The following FARS2 variants were observed in gnomAD, a reference collection of about 807,000 sequenced individuals.
The protein encoded by FARS2 is phenylalanine--tRNA ligase, mitochondrial.
A neutral mutation model predicts 46.4 loss-of-function variants in FARS2; 40 were observed. That is an observed-to-expected ratio of 0.86 (90% CI 0.67 to 1.12). FARS2 has a LOEUF of 1.12. Ranked by LOEUF, FARS2 falls within the 50% of genes most tolerant of loss-of-function variation. The pLI, the probability that FARS2 is intolerant of heterozygous loss-of-function variation, is 0.00. For synonymous variants in FARS2, 234 were observed against 214.9 expected, an observed-to-expected ratio of 1.09 and a Z score of -0.78; for missense variants, 513 against 567.9, an observed-to-expected ratio of 0.90 and a Z score of 0.98.
At chr6:5,314,166 G>A (rs571593123) in intron 1 of FARS2, among the ~76,000 whole-genome samples, 1 of 152,186 alleles carries the variant, frequency 6.6e-6, no homozygotes, top group Non-Finnish European at 1.5e-5. Flanking sequence ...AAAATGGATC[G>A]AGGAGTCTAA....
intron 1 of FARS2, among the ~76,000 whole-genome samples, chr6:5,358,439 TAAATG>T (rs1193164196): frequency 2.6e-5 from 4 of 152,122 alleles, no homozygotes; most frequent in African/African-American, 9.7e-5. Context: ...AAAACAAAAA[TAAATG>T]ATTTTGTTGA....
intron 6 of FARS2, among the ~76,000 whole-genome samples, chr6:5,687,928 T>G (rs1259491408): frequency 6.6e-6 from 1 of 152,200 alleles, no homozygotes; most frequent in African/African-American, 2.4e-5. Flanking sequence ...CCCTTGTAAG[T>G]TGGATTCCTA....
At chr6:5,691,966 TG>T (rs1229175422) in intron 6 of FARS2, among the ~76,000 whole-genome samples, 1 of 152,224 alleles carries the variant, frequency 6.6e-6, no homozygotes, top group Non-Finnish European at 1.5e-5. Flanking sequence ...CGAGGCTCCG[TG>T]GGCGTAGGAC....
At chr6:5,338,548 T>C (rs79185972) in intron 1 of FARS2, among the ~76,000 whole-genome samples, 8 of 152,162 alleles carry the variant, frequency 5.3e-5, no homozygotes, top group Non-Finnish European at 1.2e-4. Flanking sequence ...CTCTTTCCTC[T>C]GCTCTAAAAT....
At chr6:5,643,106 ATTAC>A (rs1776906708) in intron 6 of FARS2, among the ~76,000 whole-genome samples, 1 of 152,244 alleles carries the variant, frequency 6.6e-6, no homozygotes, top group Admixed American at 6.5e-5. Context: ...TTTACTTACG[ATTAC>A]TTAAAGAAAT....
chr6:5,384,442 C>T (rs760692589), intron 2 of FARS2, among the ~76,000 whole-genome samples: 8 of 152,220 alleles, frequency 5.3e-5, no homozygotes, highest in South Asian at 2.1e-4. Flanking sequence ...AGGGCAGCCT[C>T]GCCTTCTGCC....
chr6:5,462,651 A>AT (rs1765306153), intron 4 of FARS2, among the ~76,000 whole-genome samples: 1 of 152,186 alleles, frequency 6.6e-6, no homozygotes, highest in African/African-American at 2.4e-5. Flanking sequence ...GTCCTTCCCC[A>AT]TTGAATTGCC....
intron 4 of FARS2, 131 bp from the exon 5 acceptor site, chr6:5,545,049 G>GTAGC: frequency 1.3e-6 from 1 of 766,976 alleles, no homozygotes; most frequent in East Asian, 2.5e-5. Context: ...GGATGTCTTT[G>GTAGC]TAGCGGCTGC....
chr6:5,301,231 T>A (rs1768275615), intron 1 of FARS2, among the ~76,000 whole-genome samples: 1 of 152,170 alleles, frequency 6.6e-6, no homozygotes, highest in South Asian at 2.1e-4. Flanking sequence ...GTTATAGAAA[T>A]GAGGCACTTA....
intron 6 of FARS2, among the ~76,000 whole-genome samples, chr6:5,707,163 T>C (rs7754974): frequency 0.98 from 148,829 of 152,250 alleles, 72,797 homozygotes; most frequent in Middle Eastern, 1. Flanking sequence ...TGAATGTGTC[T>C]GTGCAGTTTC....
At chr6:5,444,493 AGAGAG>A (rs869177920) in intron 4 of FARS2, among the ~76,000 whole-genome samples, 2 of 24,700 alleles carry the variant, frequency 8.1e-5, no homozygotes, top group African/African-American at 1.2e-4. Flanking sequence ...AAAAAAAAAA[AGAGAG>A]AGAGAGAGAG....
intron 3 of FARS2, among the ~76,000 whole-genome samples, chr6:5,414,876 C>T (rs758760588): frequency 5.9e-5 from 8 of 135,858 alleles, no homozygotes; most frequent in Admixed American, 1.7e-4. Flanking sequence ...AGTGCAGCAT[C>T]GCGATCTCGG....
intron 2 of FARS2, among the ~76,000 whole-genome samples, chr6:5,396,150 C>G (rs1760886567): frequency 6.6e-6 from 1 of 152,054 alleles, no homozygotes; most frequent in African/African-American, 2.4e-5. Flanking sequence ...AACTGCTTCC[C>G]AAGAGCTCCA....
intron 4 of FARS2, among the ~76,000 whole-genome samples, chr6:5,533,998 C>G (rs559222294): frequency 6.6e-6 from 1 of 152,314 alleles, no homozygotes; most frequent in South Asian, 2.1e-4. Context: ...TTAACTATTT[C>G]TAAACTGAGC....
At chr6:5,745,273 T>C (rs1388898767) in intron 6 of FARS2, among the ~76,000 whole-genome samples, 1 of 152,270 alleles carries the variant, frequency 6.6e-6, no homozygotes, top group East Asian at 1.9e-4. Context: ...AGGAGGGACA[T>C]CTGTCATGCC....
chr6:5,497,809 T>G (rs977450447), intron 4 of FARS2, among the ~76,000 whole-genome samples: 6 of 152,240 alleles, frequency 3.9e-5, no homozygotes, highest in African/African-American at 1.4e-4. Flanking sequence ...ATCCTTTCAT[T>G]TATTCTCCTC....
intron 1 of FARS2, among the ~76,000 whole-genome samples, chr6:5,341,202 T>TAGATATATATATATATAG (rs1315022164): frequency 1.8e-4 from 1 of 5,510 alleles, no homozygotes; most frequent in African/African-American, 4.7e-4. Flanking sequence ...TATATATATA[T>TAGATATATATATATATAG]ATATATATAT....
intron 6 of FARS2, among the ~76,000 whole-genome samples, chr6:5,732,509 A>G (rs1481048135): frequency 6.6e-6 from 1 of 152,174 alleles, no homozygotes; most frequent in African/African-American, 2.4e-5. Context: ...GACCACACAG[A>G]TTGTGTTCAG....
chr6:5,447,924 T>A (rs1764271154), intron 4 of FARS2, among the ~76,000 whole-genome samples: 1 of 152,206 alleles, frequency 6.6e-6, no homozygotes, highest in Non-Finnish European at 1.5e-5. Context: ...AGGGAGGTTA[T>A]CCCAGAAGAA....
Sources: gnomAD v4.1 joint callset for allele counts (sites outside exome capture counted in the v4.1 genomes callset) on GRCh38, gnomAD v4.1.1 for gene constraint, MANE v1.5 for transcripts, NCBI Gene and HGNC (gene_info 2026-07-23, HGNC 2026-07-21) for gene names.